DNAH7: variants seen among roughly 807,000 people sequenced by gnomAD.
The protein encoded by DNAH7 is axonemal beta dynein heavy chain 7.
A neutral mutation model predicts 444.6 loss-of-function variants in DNAH7; 397 were observed. The observed-to-expected ratio is 0.89, with a 90% CI of 0.82 to 0.97. DNAH7 has a LOEUF of 0.97. Ranked by LOEUF, DNAH7 falls within the 50% of genes least tolerant of loss-of-function variation. DNAH7 has a pLI of 0.00. For missense variants in DNAH7, 4,902 were observed against 4,800.8 expected (o/e 1.02, Z -0.62); for synonymous variants, 1,636 against 1,624.4 (o/e 1.01, Z -0.17).
intron 19 of DNAH7, among the ~76,000 whole-genome samples, chr2:195,940,960 G>A (rs542792902): frequency 4.6e-5 from 7 of 152,302 alleles, no homozygotes; most frequent in Admixed American, 6.5e-5. Context: ...GGAAGACAGT[G>A]TGGCGATTCC....
chr2:196,027,616 T>A (rs1487074572), intron 6 of DNAH7, among the ~76,000 whole-genome samples: 4 of 152,062 alleles, frequency 2.6e-5, no homozygotes, highest in African/African-American at 9.7e-5. Context: ...AGAATTACTA[T>A]TCCTAAAGTA....
At chr2:195,919,357 C>CT (rs1198515333) in intron 24 of DNAH7, among the ~76,000 whole-genome samples, 2 of 150,602 alleles carry the variant, frequency 1.3e-5, no homozygotes, top group Non-Finnish European at 3.0e-5. Context: ...AAGTCTTTTT[C>CT]TTTTTTAAAC....
chr2:195,816,665 T>C lies in DNAH7; in HGVS notation c.9724A>G (p.Ile3242Val). The C allele has an allele frequency of 6.2e-7, 1 of 1,613,310 alleles. No homozygotes were observed. Among genetic ancestry groups the C allele is most frequent in the Non-Finnish European group, 8.5e-7 (1 of 1,179,764 alleles). ...ATTTCTGATTTCTCTGAATTTTCAA[T>C]AGACAGGATGAAAAGGTTAATAAAC... is the stretch of plus-strand genomic sequence containing the variant. ...TWFINLFILSIENSEKSEILA... is the reference protein window; with the variant it reads ...TWFINLFILSVENSEKSEILA... The change falls in exon 51 of 65, where the codon ATT (isoleucine) becomes GTT (valine). Residue 3242 changes from isoleucine to valine, a missense_variant. Transcript: ENST00000312428.
intron 12 of DNAH7, chr2:195,998,853 C>A: frequency 2.5e-6 from 1 of 395,044 alleles, no homozygotes; most frequent in African/African-American, 2.0e-5. Context: ...GATAATAAAG[C>A]TGACTTTATC....
At chr2:195,831,584 T>C (rs1698073858) in intron 48 of DNAH7, among the ~76,000 whole-genome samples, 2 of 152,258 alleles carry the variant, frequency 1.3e-5, no homozygotes, top group Admixed American at 6.5e-5. Context: ...GCCATCTATC[T>C]CTCCTTCCAT....
chr2:195,790,010 A>G (rs1406994097), intron 57 of DNAH7, among the ~76,000 whole-genome samples: 1 of 152,198 alleles, frequency 6.6e-6, no homozygotes. Context: ...AAAAATGAGC[A>G]GCATTTCCAT....
intron 14 of DNAH7, among the ~76,000 whole-genome samples, chr2:195,985,937 G>A (rs1165333934): frequency 6.6e-6 from 1 of 151,830 alleles, no homozygotes; most frequent in Non-Finnish European, 1.5e-5. Context: ...CTTCCCTCAC[G>A]CTGTCTGTGA....
chr2:195,834,255 T>C lies in DNAH7; in HGVS notation c.9051A>G (p.Glu3017=). The C allele has an allele frequency of 2.5e-6, 4 of 1,608,452 alleles. No homozygotes were observed. Among genetic ancestry groups the C allele is most frequent in the Non-Finnish European group, 2.6e-6 (3 of 1,175,632 alleles). Residue 3017 remains glutamate, a synonymous_variant, in exon 48 of 65, where the codon GAA becomes GAG. Transcript: ENST00000312428. ...TTTCCAGAGTCCTGACATAGTCAGG[T>C]TCACTAAGTTTAATCACATAAAGAC... is the stretch of plus-strand genomic sequence containing the variant. ...ANSLYVIKLS[E]PDYVRTLENC... is the part of the protein sequence containing the mutation.
At chr2:196,050,527 A>G (rs1030244146) in intron 3 of DNAH7, among the ~76,000 whole-genome samples, 6 of 152,204 alleles carry the variant, frequency 3.9e-5, no homozygotes, top group Non-Finnish European at 8.8e-5. Flanking sequence ...TTTTTAAAAA[A>G]TAATAATATT....
At chr2:195,974,760 A>G (rs1344556488) in intron 15 of DNAH7, among the ~76,000 whole-genome samples, 1 of 33,726 alleles carries the variant, frequency 3.0e-5, no homozygotes, top group African/African-American at 5.6e-5. Context: ...TATTTTACAC[A>G]CACACACACA....
At chr2:195,961,995 TGA>T (rs1245465644) in intron 17 of DNAH7, among the ~76,000 whole-genome samples, 1 of 152,080 alleles carries the variant, frequency 6.6e-6, no homozygotes, top group South Asian at 2.1e-4. Flanking sequence ...CACCCAGAGT[TGA>T]GAGAGAGTGC....
At position 196,029,805 on chromosome 2, in the gene DNAH7, G is replaced by C. The variant is rs1695926705; in HGVS notation, c.399-1758C>G. Among the ~76,000 whole-genome samples the C allele has an allele frequency of 3.9e-5, 6 of 152,060 alleles. No individual in the cohort carries two copies. In the South Asian group the frequency reaches 1.2e-3, roughly 32 times the overall value. ...GATCAATAGAGGAGACATGTGGCCT[G>C]GGTACAGAGAAAATATGATGTACTT... On this transcript the variant is annotated intron_variant, in intron 5 of 64. Coordinates refer to ENST00000312428, the MANE Select transcript of DNAH7 (RefSeq NM_018897.3).
intron 15 of DNAH7, among the ~76,000 whole-genome samples, chr2:195,978,711 G>A (rs781024435): frequency 9.9e-5 from 15 of 152,094 alleles, no homozygotes; most frequent in Non-Finnish European, 1.9e-4. Context: ...CACATAGCCT[G>A]ACAATAAAGA....
At chr2:195,841,759 A>AAAATC in intron 47 of DNAH7, among the ~76,000 whole-genome samples, 1 of 152,076 alleles carries the variant, frequency 6.6e-6, no homozygotes, top group East Asian at 1.9e-4. Context: ...TTGAATCTAC[A>AAAATC]AAGGCTTTAA....
intron 38 of DNAH7, among the ~76,000 whole-genome samples, chr2:195,874,835 A>G (rs1228673766): frequency 6.6e-6 from 1 of 152,144 alleles, no homozygotes; most frequent in Non-Finnish European, 1.5e-5. Flanking sequence ...ACAAACAAAC[A>G]GAAAGTGTTC....
chr2:195,924,691 T>C (rs1241187114), intron 22 of DNAH7, among the ~76,000 whole-genome samples: 1 of 364 alleles, frequency 2.7e-3, no homozygotes, highest in Non-Finnish European at 0.012. Context: ...ATCCTATGAG[T>C]CCCTCTAGTA....
At chr2:195,765,938 C>T (rs748348663) in intron 61 of DNAH7, among the ~76,000 whole-genome samples, 1 of 151,924 alleles carries the variant, frequency 6.6e-6, no homozygotes, top group African/African-American at 2.4e-5. Flanking sequence ...TGTTTATTGC[C>T]GCACTACTCA....
In DNAH7 at chr2:195,936,812, A is replaced by T. The variant is rs1407204453; in HGVS notation, c.3079-20T>A. The T allele has an allele frequency of 6.8e-7, 1 of 1,473,612 alleles. No individual in the cohort carries two copies. Among genetic ancestry groups the T allele is most frequent in the Non-Finnish European group, 9.0e-7 (1 of 1,109,454 alleles). The allele number at this position is 1,473,612 out of a possible 1,614,324, so 91.3% of individuals were successfully genotyped here. On this transcript the variant is annotated intron_variant, in intron 19 of 64. Transcript: ENST00000312428. Reference sequence around the variant, plus strand: ...TTTATCCTAAAAATAAAAATAAAAAACACTCAATTCAAAAATATTAGATAC... The same window carrying T: ...TTTATCCTAAAAATAAAAATAAAAATCACTCAATTCAAAAATATTAGATAC...
intron 57 of DNAH7, among the ~76,000 whole-genome samples, chr2:195,790,697 G>T (rs1226924616): frequency 6.6e-6 from 1 of 152,052 alleles, no homozygotes; most frequent in Non-Finnish European, 1.5e-5. Flanking sequence ...AGCTCAAAAT[G>T]GATTAAAGAC....
Sources: gnomAD v4.1 joint callset for allele counts (sites outside exome capture counted in the v4.1 genomes callset) on GRCh38, gnomAD v4.1.1 for gene constraint, MANE v1.5 for transcripts, NCBI Gene and HGNC (gene_info 2026-07-23, HGNC 2026-07-21) for gene names.